PTPRD: variants seen among roughly 807,000 people sequenced by gnomAD.
PTPRD encodes the protein protein tyrosine phosphatase receptor type D.
A neutral mutation model predicts 214.5 loss-of-function variants in PTPRD; 34 were observed. The observed-to-expected ratio is 0.16, with a 90% CI of 0.12 to 0.21. The LOEUF (loss-of-function observed/expected upper bound fraction) is 0.21, where lower values mean the gene tolerates loss of function less well. Among genes scored for constraint, PTPRD ranks in the 10% least tolerant of loss-of-function variants. The pLI is 1.00. For missense variants in PTPRD, 2,545 were observed against 2,398.7 expected (o/e 1.06, Z -1.27); for synonymous variants, 1,128 against 845.7 (o/e 1.33, Z -5.79).
intron 8 of PTPRD, among the ~76,000 whole-genome samples, chr9:9,417,411 T>C (rs1449413430): frequency 6.6e-6 from 1 of 152,146 alleles, no homozygotes; most frequent in Non-Finnish European, 1.5e-5. Flanking sequence ...GTTTGTGTTC[T>C]ATCACAAGCA....
chr9:8,713,596 G>C, intron 12 of PTPRD: 1 of 1,526,244 alleles, frequency 6.6e-7, no homozygotes, highest in East Asian at 2.3e-5. Context: ...CATGTACCGG[G>C]AATACCGGGA....
intron 12 of PTPRD, among the ~76,000 whole-genome samples, chr9:8,675,902 T>A (rs58422526): frequency 0.049 from 7,508 of 152,212 alleles, 651 homozygotes; most frequent in African/African-American, 0.17. Context: ...ACATATCCCA[T>A]CATTACTTCC....
chr9:8,859,085 G>C (rs1027668915), intron 11 of PTPRD, among the ~76,000 whole-genome samples: 2 of 152,226 alleles, frequency 1.3e-5, no homozygotes, highest in Non-Finnish European at 2.9e-5. Flanking sequence ...GTCCGCCCCA[G>C]TTCACCTTGG....
intron 26 of PTPRD, among the ~76,000 whole-genome samples, chr9:8,494,459 A>C (rs1035525122): frequency 2.0e-5 from 3 of 152,166 alleles, no homozygotes; most frequent in African/African-American, 7.2e-5. Context: ...AAACTACCCA[A>C]GAGCAGTATT....
rs1180072842 is a variant in PTPRD at position 10,099,792 on chromosome 9, C to T, written c.-544-66002G>A. 4.6e-5 allele frequency among the ~76,000 whole-genome samples: 7 copies of T among 151,160 alleles called. No homozygotes were observed. The East Asian group carries it at 1.2e-3, about 25-fold the overall frequency. ...TCTTAAAGATTCAAGTTTACTAAAT[C>T]CTGATTGTTAAAAGAAGATTGGGTA... On this transcript the variant is annotated intron_variant, in intron 3 of 45. Transcript: ENST00000381196.
intron 11 of PTPRD, among the ~76,000 whole-genome samples, chr9:8,959,391 G>C (rs1192581934): frequency 6.6e-6 from 1 of 151,846 alleles, no homozygotes; most frequent in African/African-American, 2.4e-5. Context: ...AAAATAGTGG[G>C]GAAAGAAGAA....
chr9:9,943,086 T>C (rs944657544), intron 4 of PTPRD, among the ~76,000 whole-genome samples: 12 of 152,144 alleles, frequency 7.9e-5, no homozygotes, highest in African/African-American at 2.7e-4. Context: ...GCTGTTAGCC[T>C]ACCCAAGTCT....
At chr9:8,774,920 C>G (rs12349666) in intron 11 of PTPRD, among the ~76,000 whole-genome samples, 109,318 of 151,874 alleles carry the variant, frequency 0.72, 39,397 homozygotes, top group Middle Eastern at 0.82. Context: ...TTATATGGTG[C>G]CATATTTTCA....
At chr9:9,648,055 C>T (rs570429096) in intron 7 of PTPRD, among the ~76,000 whole-genome samples, 106 of 152,268 alleles carry the variant, frequency 7.0e-4, no homozygotes, top group African/African-American at 2.5e-3. Flanking sequence ...AACTCCCCTG[C>T]ACCTACCAAG....
chr9:8,589,313 A>C (rs1404123210), intron 14 of PTPRD, among the ~76,000 whole-genome samples: 2 of 152,196 alleles, frequency 1.3e-5, no homozygotes, highest in Non-Finnish European at 2.9e-5. Context: ...TAAAAGTCAC[A>C]TCTCATACAA....
chr9:9,211,494 C>T (rs1267428243), intron 9 of PTPRD, among the ~76,000 whole-genome samples: 2 of 148,680 alleles, frequency 1.3e-5, no homozygotes, highest in Non-Finnish European at 3.0e-5. Flanking sequence ...TTCCTTCCTT[C>T]CTCTCCCCCA....
At chr9:9,533,097 G>A (rs147856325) in intron 8 of PTPRD, among the ~76,000 whole-genome samples, 1 of 152,140 alleles carries the variant, frequency 6.6e-6, no homozygotes, top group East Asian at 1.9e-4. Context: ...ATAGCATTTT[G>A]CATATAGATA....
chr9:10,299,899 A>G (rs1203134143), intron 3 of PTPRD, among the ~76,000 whole-genome samples: 1 of 152,196 alleles, frequency 6.6e-6, no homozygotes, highest in African/African-American at 2.4e-5. Flanking sequence ...TCACAATCAA[A>G]TATTGCCAGC....
intron 8 of PTPRD, among the ~76,000 whole-genome samples, chr9:9,417,891 G>T (rs941229221): frequency 6.6e-6 from 1 of 151,914 alleles, no homozygotes; most frequent in Non-Finnish European, 1.5e-5. Flanking sequence ...ATTTCATACT[G>T]GAAAAGGCAA....
At chr9:9,569,605 A>T (rs917447362) in intron 8 of PTPRD, among the ~76,000 whole-genome samples, 40 of 151,628 alleles carry the variant, frequency 2.6e-4, no homozygotes, top group African/African-American at 9.7e-4. Flanking sequence ...CAAAAGTCTA[A>T]TCTCGATTTT....
At chr9:9,209,049 C>T (rs534668927) in intron 9 of PTPRD, among the ~76,000 whole-genome samples, 1 of 152,122 alleles carries the variant, frequency 6.6e-6, no homozygotes, top group African/African-American at 2.4e-5. Context: ...ACCTCGTGAT[C>T]GGCCCGCCTT....
At chr9:9,212,967 C>T (rs2099949748) in intron 9 of PTPRD, among the ~76,000 whole-genome samples, 1 of 152,126 alleles carries the variant, frequency 6.6e-6, no homozygotes, top group South Asian at 2.1e-4. Context: ...CTCTAAGATT[C>T]TATAGATTCT....
chr9:10,124,651 A>G (rs2098801901), intron 3 of PTPRD, among the ~76,000 whole-genome samples: 1 of 152,166 alleles, frequency 6.6e-6, no homozygotes, highest in African/African-American at 2.4e-5. Flanking sequence ...AGTTAGCATA[A>G]CTTTTTAAGT....
chr9:9,899,807 C>T (rs930482379), intron 5 of PTPRD, among the ~76,000 whole-genome samples: 13 of 151,972 alleles, frequency 8.6e-5, no homozygotes, highest in African/African-American at 2.9e-4. Context: ...CTTAAGTGTC[C>T]ATCAAGAAAC....
Sources: gnomAD v4.1 joint callset for allele counts (sites outside exome capture counted in the v4.1 genomes callset) on GRCh38, gnomAD v4.1.1 for gene constraint, MANE v1.5 for transcripts, NCBI Gene and HGNC (gene_info 2026-07-23, HGNC 2026-07-21) for gene names.